SGCZ: variants seen among roughly 807,000 people sequenced by gnomAD.
SGCZ encodes the protein sarcoglycan zeta.
Under a neutral mutation model 41.3 loss-of-function variants are expected in SGCZ, and 40 were observed. The ratio of observed to expected loss-of-function variants is 0.97; its 90% CI spans 0.75 to 1.26. SGCZ has a LOEUF of 1.26. SGCZ is among the 50% of genes most tolerant of loss of function. The pLI, the probability that SGCZ is intolerant of heterozygous loss-of-function variation, is 0.00. For missense variants in SGCZ, 552 were observed against 369.8 expected (o/e 1.49, Z -4.04); for synonymous variants, 206 against 137.5 (o/e 1.50, Z -3.49).
intron 1 of SGCZ, among the ~76,000 whole-genome samples, chr8:15,146,280 C>T (rs1485063785): frequency 3.9e-5 from 6 of 151,976 alleles, no homozygotes; most frequent in East Asian, 3.9e-4. Flanking sequence ...CGTTGATTTT[C>T]GTCGGAAAGG....
intron 1 of SGCZ, among the ~76,000 whole-genome samples, chr8:14,779,549 C>T (rs80275440): frequency 0.013 from 2,050 of 152,190 alleles, 99 homozygotes; most frequent in East Asian, 0.091. Context: ...GAAATGATTG[C>T]TTTAAGCCAC....
chr8:14,448,548 T>A (rs763637084), intron 2 of SGCZ, among the ~76,000 whole-genome samples: 3 of 152,174 alleles, frequency 2.0e-5, no homozygotes, highest in African/African-American at 7.2e-5. Flanking sequence ...ACAAAAATCA[T>A]CTATTTGGGA....
intron 1 of SGCZ, among the ~76,000 whole-genome samples, chr8:14,746,106 G>T (rs2244870): frequency 1 from 151,523 of 152,102 alleles, 75,477 homozygotes; most frequent in Middle Eastern, 1. Flanking sequence ...CATAAATATC[G>T]ATCTATAAAT....
intron 2 of SGCZ, among the ~76,000 whole-genome samples, chr8:14,528,249 G>A (rs902150209): frequency 1.3e-5 from 2 of 152,108 alleles, no homozygotes; most frequent in Non-Finnish European, 2.9e-5. Context: ...GGGAAAGAAG[G>A]CAGTATCAAT....
intron 1 of SGCZ, among the ~76,000 whole-genome samples, chr8:14,974,729 C>G (rs903724050): frequency 6.6e-6 from 1 of 152,148 alleles, no homozygotes; most frequent in East Asian, 1.9e-4. Context: ...CTCACAACCA[C>G]CCTATGAGGC....
chr8:15,106,898 T>C (rs1344554589), intron 1 of SGCZ, among the ~76,000 whole-genome samples: 1 of 140,386 alleles, frequency 7.1e-6, no homozygotes, highest in Admixed American at 6.9e-5. Flanking sequence ...ACTTCTGTTA[T>C]AGTCACCTTT....
At chr8:14,232,975 T>C (rs1806625127) in intron 4 of SGCZ, among the ~76,000 whole-genome samples, 1 of 152,062 alleles carries the variant, frequency 6.6e-6, no homozygotes, top group South Asian at 2.1e-4. Context: ...AGATGTGGGA[T>C]TGTGGAACTT....
At chr8:15,077,943 G>A (rs62494573) in intron 1 of SGCZ, among the ~76,000 whole-genome samples, 2 of 151,972 alleles carry the variant, frequency 1.3e-5, no homozygotes, top group Non-Finnish European at 2.9e-5. Flanking sequence ...GTGTTTACAC[G>A]AGATGTTTTT....
intron 1 of SGCZ, among the ~76,000 whole-genome samples, chr8:14,757,460 C>T (rs1277743091): frequency 6.6e-6 from 1 of 152,186 alleles, no homozygotes; most frequent in Non-Finnish European, 1.5e-5. Flanking sequence ...GAACCACTAC[C>T]GATGCCTCTT....
chr8:14,218,444 G>A (rs1279313076), intron 4 of SGCZ, among the ~76,000 whole-genome samples: 1 of 152,110 alleles, frequency 6.6e-6, no homozygotes, highest in African/African-American at 2.4e-5. Flanking sequence ...CAATTAGGGG[G>A]GACATTATCT....
chr8:14,526,951 C>G (rs1802968076), intron 2 of SGCZ, among the ~76,000 whole-genome samples: 1 of 152,096 alleles, frequency 6.6e-6, no homozygotes, highest in African/African-American at 2.4e-5. Context: ...CTGGGCACGA[C>G]AACAGACAAC....
chr8:15,228,281 C>T lies in SGCZ; in HGVS notation c.39+9304G>A, dbSNP rs192835764. Among the ~76,000 whole-genome samples, 654 of 152,266 alleles carry T rather than the reference C, an allele frequency of 4.3e-3. 4 individuals are homozygous for T. Among genetic ancestry groups the T allele is most frequent in the African/African-American group, 0.015 (632 of 41,552 alleles). On this transcript the variant is annotated intron_variant, in intron 1 of 7. Coordinates refer to ENST00000382080, the MANE Select transcript of SGCZ (RefSeq NM_139167.4). ...CCAAAAATATGTTTAGCTTAATCCA[C>T]CTGTGTATTTCACACACTGTAATTA...
At chr8:14,258,777 T>G (rs187312754) in intron 3 of SGCZ, among the ~76,000 whole-genome samples, 106 of 152,302 alleles carry the variant, frequency 7.0e-4, no homozygotes, top group Middle Eastern at 3.4e-3. Flanking sequence ...CAAGCTTGCA[T>G]GACCTTCAAG....
At chr8:15,193,734 A>G (rs897868498) in intron 1 of SGCZ, among the ~76,000 whole-genome samples, 3 of 152,200 alleles carry the variant, frequency 2.0e-5, no homozygotes, top group African/African-American at 7.2e-5. Context: ...GAGTTGTAAC[A>G]AATGTACAGA....
At chr8:14,562,886 G>A (rs117865795) in intron 1 of SGCZ, among the ~76,000 whole-genome samples, 1,808 of 152,266 alleles carry the variant, frequency 0.012, 21 homozygotes, top group Non-Finnish European at 0.02. Context: ...GAGAAGTCAC[G>A]TGATCTTAGA....
At chr8:14,409,052 G>A (rs1396266011) in intron 2 of SGCZ, among the ~76,000 whole-genome samples, 1 of 151,344 alleles carries the variant, frequency 6.6e-6, no homozygotes, top group Non-Finnish European at 1.5e-5. Context: ...TTTCAGTTTT[G>A]ATACACGACA....
intron 3 of SGCZ, among the ~76,000 whole-genome samples, chr8:14,281,239 A>C (rs1474930604): frequency 6.6e-6 from 1 of 152,018 alleles, no homozygotes; most frequent in African/African-American, 2.4e-5. Context: ...ATACCTCATT[A>C]GTCATTTTAA....
At chr8:14,342,076 A>C (rs1360899029) in intron 2 of SGCZ, among the ~76,000 whole-genome samples, 1 of 152,176 alleles carries the variant, frequency 6.6e-6, no homozygotes, top group Non-Finnish European at 1.5e-5. Flanking sequence ...AAATGTAGGA[A>C]AGTTTGGAAC....
chr8:14,778,770 G>C (rs1027913857), intron 1 of SGCZ, among the ~76,000 whole-genome samples: 1 of 152,164 alleles, frequency 6.6e-6, no homozygotes, highest in African/African-American at 2.4e-5. Flanking sequence ...CAAGAACACA[G>C]TGAGATATAA....
Sources: allele counts gnomAD v4.1 joint callset (sites outside exome capture counted in the v4.1 genomes callset), GRCh38; gene constraint gnomAD v4.1.1; transcripts MANE v1.5; gene names NCBI Gene and HGNC (gene_info 2026-07-23, HGNC 2026-07-21).